Variants in RIT2 observed in about 807,000 individuals in gnomAD.
RIT2 encodes GTP-binding protein Rit2.
In RIT2, 24 loss-of-function variants were observed where a neutral mutation model predicts 23.7. The observed-to-expected ratio is 1.01, with a 90% CI of 0.73 to 1.43. The LOEUF (loss-of-function observed/expected upper bound fraction) is 1.43. RIT2 is among the 40% of genes most tolerant of loss of function. The pLI, the probability that RIT2 is intolerant of heterozygous loss-of-function variation, is 0.00. For missense variants in RIT2, 236 were observed against 266.9 expected, an observed-to-expected ratio of 0.88 and a Z score of 0.81; for synonymous variants, 107 against 91.1, an observed-to-expected ratio of 1.17 and a Z score of -0.99.
intron 4 of RIT2, among the ~76,000 whole-genome samples, chr18:42,915,810 T>C (rs1908893556): frequency 6.6e-6 from 1 of 151,956 alleles, no homozygotes; most frequent in African/African-American, 2.4e-5. Flanking sequence ...AAACATTATG[T>C]TTAAAATTAT....
intron 1 of RIT2, among the ~76,000 whole-genome samples, chr18:43,079,746 T>C (rs1913110350): frequency 6.6e-6 from 1 of 152,224 alleles, no homozygotes; most frequent in African/African-American, 2.4e-5. Flanking sequence ...TGAAAGTAAA[T>C]TTAGAGGCTA....
intron 1 of RIT2, among the ~76,000 whole-genome samples, chr18:43,088,426 AT>A (rs1260765278): frequency 6.6e-6 from 1 of 152,188 alleles, no homozygotes; most frequent in Non-Finnish European, 1.5e-5. Flanking sequence ...TTTAGTCTCT[AT>A]CTTGAGGAAT....
At chr18:42,753,557 T>C (rs2143887311) in intron 4 of RIT2, among the ~76,000 whole-genome samples, 1 of 152,336 alleles carries the variant, frequency 6.6e-6, no homozygotes, top group Non-Finnish European at 1.5e-5. Flanking sequence ...TTTATATTTT[T>C]AATATCTTCT....
intron 1 of RIT2, among the ~76,000 whole-genome samples, chr18:43,093,964 G>A (rs1240170406): frequency 6.6e-6 from 1 of 151,984 alleles, no homozygotes; most frequent in African/African-American, 2.4e-5. Context: ...GACTGGAACT[G>A]GGGTAAGGCA....
In RIT2 at chr18:42,912,024, A is replaced by G. The variant is rs146818991; in HGVS notation, c.426+11548T>C. 8.4e-3 allele frequency among the ~76,000 whole-genome samples: 1,284 copies of G among 152,012 alleles called. 15 individuals carry two copies. The highest frequency in any genetic ancestry group is 0.029 in the African/African-American group (1,193 of 41,566). ...CCAATATATCTGATTAACTTAGATG[A>G]AAATAATTCTGAACAAAATTTTATC... is the stretch of plus-strand genomic sequence containing the variant. On this transcript the variant is annotated intron_variant, in intron 4 of 4. Coordinates refer to ENST00000326695, the MANE Select transcript of RIT2 (RefSeq NM_002930.4).
At chr18:42,996,711 ACT>A (rs1185808872) in intron 2 of RIT2, among the ~76,000 whole-genome samples, 1 of 150,710 alleles carries the variant, frequency 6.6e-6, no homozygotes, top group Non-Finnish European at 1.5e-5. Context: ...CCCTTCGCTG[ACT>A]CTTTTTTCGG....
chr18:42,836,986 T>A (rs1439305025), intron 4 of RIT2, among the ~76,000 whole-genome samples: 1 of 152,066 alleles, frequency 6.6e-6, no homozygotes, highest in Admixed American at 6.6e-5. Context: ...AAACTATCTA[T>A]GGAGACAGCT....
chr18:42,782,733 G>GT (rs1384829825), intron 4 of RIT2, among the ~76,000 whole-genome samples: 1 of 152,124 alleles, frequency 6.6e-6, no homozygotes, highest in East Asian at 1.9e-4. Context: ...AGTAATTATG[G>GT]TTTTAAGCCC....
chr18:42,942,368 A>T (rs1267748857), intron 3 of RIT2, among the ~76,000 whole-genome samples: 1 of 152,124 alleles, frequency 6.6e-6, no homozygotes, highest in African/African-American at 2.4e-5. Context: ...TCAGTATCGG[A>T]AGCCTCTCTC....
intron 4 of RIT2, among the ~76,000 whole-genome samples, chr18:42,843,708 A>T (rs1204632797): frequency 2.6e-5 from 4 of 152,222 alleles, no homozygotes; most frequent in African/African-American, 4.8e-5. Flanking sequence ...ATTTCTATAG[A>T]ACTTTGGCAA....
chr18:43,097,982 C>A (rs1434580304), intron 1 of RIT2, among the ~76,000 whole-genome samples: 2 of 151,882 alleles, frequency 1.3e-5, no homozygotes, highest in African/African-American at 4.8e-5. Flanking sequence ...TATTAGTTAG[C>A]TAGATATTAG....
intron 2 of RIT2, among the ~76,000 whole-genome samples, chr18:42,975,252 G>A (rs897823231): frequency 6.6e-5 from 10 of 151,970 alleles, no homozygotes; most frequent in Non-Finnish European, 1.5e-4. Flanking sequence ...ATCAAAAGTC[G>A]TTTCTGCGTC....
At position 42,930,544 on chromosome 18, in the gene RIT2, G is replaced by GAATTA. The variant is rs558810961; in HGVS notation, c.235-6786_235-6782dup. On this transcript the variant is annotated intron_variant, in intron 3 of 4. Coordinates refer to ENST00000326695, the MANE Select transcript of RIT2 (RefSeq NM_002930.4). ...ACCACTGCCTCGCCAAGGAAAGAAA[G>GAATTA]AATTAAATTAAATTAAATTAAATTA... Among the ~76,000 whole-genome samples the GAATTA allele has an allele frequency of 3.1e-3, 470 of 152,042 alleles. 1 individual carries two copies. Among genetic ancestry groups the GAATTA allele is most frequent in the African/African-American group, 9.6e-3 (400 of 41,480 alleles).
intron 4 of RIT2, among the ~76,000 whole-genome samples, chr18:42,905,988 A>C (rs1443465055): frequency 9.6e-4 from 1 of 1,042 alleles, no homozygotes; most frequent in Non-Finnish European, 2.4e-3. Context: ...ATATATATAT[A>C]TATGTATATA....
chr18:42,854,562 T>G (rs1337607293), intron 4 of RIT2, among the ~76,000 whole-genome samples: 2 of 152,174 alleles, frequency 1.3e-5, no homozygotes, highest in Admixed American at 6.5e-5. Context: ...TAAGAGTAAC[T>G]GTGAACTTAA....
chr18:42,750,805 A>G (rs1490201024), intron 4 of RIT2, among the ~76,000 whole-genome samples: 2 of 148,984 alleles, frequency 1.3e-5, no homozygotes, highest in Non-Finnish European at 3.0e-5. Context: ...AAATTAGCGT[A>G]TAATTTCAAT....
At chr18:42,987,015 T>C (rs544001602) in intron 2 of RIT2, among the ~76,000 whole-genome samples, 1 of 152,240 alleles carries the variant, frequency 6.6e-6, no homozygotes, top group Non-Finnish European at 1.5e-5. Flanking sequence ...ATACTGCAGA[T>C]GGTGTGTAAA....
rs536767644 is a variant in RIT2, at chr18:42,790,621, G to T, written c.427-46901C>A. Among the ~76,000 whole-genome samples, 38 of 152,178 alleles carry T rather than the reference G, an allele frequency of 2.5e-4. 1 individual carries two copies. Among genetic ancestry groups the T allele is most frequent in the Admixed American group, 2.3e-3 (35 of 15,284 alleles). On this transcript the variant is annotated intron_variant, in intron 4 of 4. Coordinates refer to ENST00000326695, the MANE Select transcript of RIT2 (RefSeq NM_002930.4). ...TTTTTGTATTTTTAGTAGAGATGGG[G>T]TTTCACCATGTTGGCCAGGCTGGTC...
intron 4 of RIT2, among the ~76,000 whole-genome samples, chr18:42,859,399 T>C (rs1008122917): frequency 3.3e-5 from 5 of 152,246 alleles, no homozygotes; most frequent in Admixed American, 2.0e-4. Context: ...TAGATTAGAC[T>C]ATTTGTCCCT....
Sources: gnomAD v4.1 joint callset for allele counts (sites outside exome capture counted in the v4.1 genomes callset) on GRCh38, gnomAD v4.1.1 for gene constraint, MANE v1.5 for transcripts, NCBI Gene and HGNC (gene_info 2026-07-23, HGNC 2026-07-21) for gene names.